B3GAT2: variants seen among roughly 807,000 people sequenced by gnomAD.
The protein encoded by B3GAT2 is galactosylgalactosylxylosylprotein 3-beta-glucuronosyltransferase 2.
In B3GAT2, 26 loss-of-function variants were observed where a neutral mutation model predicts 27.8. That is an observed-to-expected ratio of 0.93 (90% confidence interval 0.68 to 1.30). The LOEUF (loss-of-function observed/expected upper bound fraction) is 1.30, where lower values mean the gene tolerates loss of function less well. Among genes scored for constraint, B3GAT2 ranks in the 50% most tolerant of loss-of-function variants. The probability of loss-of-function intolerance (pLI) is 0.00; values close to 1 mark genes in which losing one functional copy is unlikely to be tolerated. For missense variants in B3GAT2, 458 were observed against 459.0 expected (o/e 1.00, Z 0.02); for synonymous variants, 218 against 195.1 (o/e 1.12, Z -0.98).
chr6:70,872,499 C>T (rs1771952936), intron 2 of B3GAT2, among the ~76,000 whole-genome samples: 1 of 134,396 alleles, frequency 7.4e-6, no homozygotes. Flanking sequence ...ATAATCATTC[C>T]CGTTCTTTTT....
At chr6:70,894,369 T>C in intron 1 of B3GAT2, 97 bp from the exon 2 acceptor site, 1 of 1,324,668 alleles carries the variant, frequency 7.5e-7, no homozygotes, top group East Asian at 2.4e-5. Context: ...CTGGTAGTGG[T>C]GTAAGATTTC....
At chr6:70,895,421 A>C (rs1772363929) in intron 1 of B3GAT2, among the ~76,000 whole-genome samples, 2 of 152,094 alleles carry the variant, frequency 1.3e-5, no homozygotes. Context: ...TAAAGAGTAA[A>C]AATAATTAGA....
chr6:70,928,625 G>A (rs377200160), intron 1 of B3GAT2, among the ~76,000 whole-genome samples: 1 of 152,240 alleles, frequency 6.6e-6, no homozygotes, highest in East Asian at 1.9e-4. Flanking sequence ...AACCTCCCAA[G>A]ACTAAACCAG....
At chr6:70,899,661 C>T (rs1394719088) in intron 1 of B3GAT2, among the ~76,000 whole-genome samples, 3 of 152,184 alleles carry the variant, frequency 2.0e-5, no homozygotes, top group African/African-American at 4.8e-5. Flanking sequence ...ACAGAATTAG[C>T]CCCTCTATCC....
chr6:70,867,254 C>T (rs1466805039), intron 2 of B3GAT2, among the ~76,000 whole-genome samples: 1 of 151,196 alleles, frequency 6.6e-6, no homozygotes, highest in Non-Finnish European at 1.5e-5. Flanking sequence ...AAGCTCCTAC[C>T]TTTATAAATT....
At chr6:70,924,978 T>A (rs1191648929) in intron 1 of B3GAT2, among the ~76,000 whole-genome samples, 3 of 152,234 alleles carry the variant, frequency 2.0e-5, no homozygotes, top group Non-Finnish European at 4.4e-5. Flanking sequence ...AGATGTCTTT[T>A]CAGGCTTTTG....
chr6:70,857,830 T>C lies in B3GAT2; in HGVS notation c.*3833A>G. 6.5e-6 allele frequency: 9 copies of C among 1,376,526 alleles called. No individual in the cohort carries two copies. Among genetic ancestry groups the C allele is most frequent in the Non-Finnish European group, 9.0e-6 (9 of 1,001,484 alleles). 85.3% of individuals were successfully genotyped at this position (1,376,526 alleles called of 1,614,324 possible). A position where few individuals can be genotyped will look rare whatever the true frequency, so the allele number is the denominator to read the frequency against. On this transcript the variant is annotated 3_prime_UTR_variant, in exon 4 of 4. Transcript: ENST00000230053. ...CTGGAATTAAAATGTTTGCTGTGAG[T>C]AGTTCAGAAAGGCAATTTTTCTGTG...
chr6:70,903,981 C>T (rs966601211), intron 1 of B3GAT2, among the ~76,000 whole-genome samples: 1 of 151,990 alleles, frequency 6.6e-6, no homozygotes, highest in Admixed American at 6.6e-5. Flanking sequence ...TGGAAATGGT[C>T]CAAATGTTCA....
intron 2 of B3GAT2, among the ~76,000 whole-genome samples, chr6:70,882,259 T>C (rs1297781251): frequency 6.6e-6 from 1 of 152,134 alleles, no homozygotes; most frequent in Admixed American, 6.5e-5. Flanking sequence ...CCCAGCACTT[T>C]GGGAGGTTAA....
intron 1 of B3GAT2, among the ~76,000 whole-genome samples, chr6:70,918,257 ATCT>A (rs1772807882): frequency 6.6e-6 from 1 of 152,088 alleles, no homozygotes. Flanking sequence ...TGCTTGGTAG[ATCT>A]TCTTCCATCA....
chr6:70,939,061 C>A (rs9455264), intron 1 of B3GAT2, among the ~76,000 whole-genome samples: 1 of 151,984 alleles, frequency 6.6e-6, no homozygotes. Flanking sequence ...AAGAAAAAAC[C>A]AACCAACCCC....
chr6:70,860,267 C>G lies in B3GAT2; in HGVS notation c.*1396G>C, dbSNP rs933216810. 1.2e-6 allele frequency: 2 copies of G among 1,613,770 alleles called. No individual in the cohort carries two copies. The highest frequency in any genetic ancestry group is 8.5e-7 in the Non-Finnish European group (1 of 1,179,868). Reference sequence around the variant, plus strand: ...CCTACTGCAGGTTTTGGCCAGCCCTCCAGCACAACAGCAGGATGGTCTGGA... The same window carrying G: ...CCTACTGCAGGTTTTGGCCAGCCCTGCAGCACAACAGCAGGATGGTCTGGA... On this transcript the variant is annotated 3_prime_UTR_variant, in exon 4 of 4. Coordinates refer to ENST00000230053, the MANE Select transcript of B3GAT2 (RefSeq NM_080742.3).
rs1223050666 is a variant in B3GAT2, at chr6:70,936,666, C to A, written c.591+19173G>T. ...TCCTGAATGACTACTGGGTACATAA[C>A]GAAATGAAGGCAGAAATAAAGATGT... On this transcript the variant is annotated intron_variant, in intron 1 of 3. Transcript: ENST00000230053. Among the ~76,000 whole-genome samples the A allele has an allele frequency of 3.3e-5, 5 of 151,894 alleles. No individual in the cohort carries two copies. In the East Asian group the frequency reaches 9.7e-4, roughly 29 times the overall value.
intron 1 of B3GAT2, among the ~76,000 whole-genome samples, chr6:70,926,711 G>A (rs1772967089): frequency 6.6e-6 from 1 of 152,230 alleles, no homozygotes; most frequent in Non-Finnish European, 1.5e-5. Flanking sequence ...TGGTGTACCT[G>A]AAAGTGACGG....
intron 1 of B3GAT2, among the ~76,000 whole-genome samples, chr6:70,932,034 T>C (rs960797666): frequency 6.6e-6 from 1 of 152,146 alleles, no homozygotes; most frequent in Admixed American, 6.6e-5. Context: ...TCACTAATTA[T>C]AGGAGAGATG....
chr6:70,861,513 C>G lies in B3GAT2; in HGVS notation c.*150G>C. 4 of 659,104 alleles carry G rather than the reference C, an allele frequency of 6.1e-6. No individual in the cohort carries two copies. The highest frequency in any genetic ancestry group is 7.9e-6 in the Non-Finnish European group (3 of 378,572). 40.8% of individuals were successfully genotyped at this position (659,104 alleles called of 1,614,324 possible). ...ATTAGCTTATGTTAACTGACAAGCT[C>G]CATTTAAACAGATGTCCATCAGATG... On this transcript the variant is annotated 3_prime_UTR_variant, in exon 4 of 4. Transcript: ENST00000230053.
chr6:70,891,995 A>G (rs990269057), intron 2 of B3GAT2, among the ~76,000 whole-genome samples: 1 of 152,222 alleles, frequency 6.6e-6, no homozygotes, highest in Non-Finnish European at 1.5e-5. Flanking sequence ...AAAAATATCA[A>G]TAATTTACTG....
chr6:70,883,574 A>C (rs376856658), intron 2 of B3GAT2, among the ~76,000 whole-genome samples: 18 of 152,216 alleles, frequency 1.2e-4, no homozygotes, highest in South Asian at 1.0e-3. Context: ...GGGGAGGGGC[A>C]AGTCAGGAGT....
At chr6:70,948,446 CAG>C (rs1337149394) in intron 1 of B3GAT2, among the ~76,000 whole-genome samples, 2 of 151,024 alleles carry the variant, frequency 1.3e-5, no homozygotes. Context: ...AACAGACAAA[CAG>C]AGAGCCAAAT....
Sources: gnomAD v4.1 joint callset for allele counts (sites outside exome capture counted in the v4.1 genomes callset) on GRCh38, gnomAD v4.1.1 for gene constraint, MANE v1.5 for transcripts, NCBI Gene and HGNC (gene_info 2026-07-23, HGNC 2026-07-21) for gene names.